The following NLGN1 variants were observed in gnomAD, a reference collection of about 807,000 sequenced individuals.
NLGN1 encodes the protein neuroligin-1.
In NLGN1, 12 loss-of-function variants were observed where a neutral mutation model predicts 65.5. The observed-to-expected ratio is 0.18, with a 90% CI of 0.12 to 0.30. The LOEUF is 0.30. Among genes scored for constraint, NLGN1 ranks in the 10% least tolerant of loss-of-function variants. The pLI is 1.00. For synonymous variants in NLGN1, 350 were observed against 359.5 expected (o/e 0.97, Z 0.30); for missense variants, 750 against 1,007.1 (o/e 0.74, Z 3.46).
intron 4 of NLGN1, among the ~76,000 whole-genome samples, chr3:173,950,808 CAA>C (rs769516741): frequency 1.7e-4 from 16 of 96,790 alleles, no homozygotes; most frequent in Non-Finnish European, 1.1e-4. Flanking sequence ...GACTTCGTCT[CAA>C]AAAAAAAAAA....
chr3:173,434,638 A>G (rs965067885), intron 1 of NLGN1, among the ~76,000 whole-genome samples: 1 of 152,200 alleles, frequency 6.6e-6, no homozygotes, highest in Non-Finnish European at 1.5e-5. Flanking sequence ...CTCTAGGATC[A>G]AGAGCTAAGT....
chr3:173,556,687 C>G (rs1253543115), intron 2 of NLGN1, among the ~76,000 whole-genome samples: 1 of 151,946 alleles, frequency 6.6e-6, no homozygotes, highest in Non-Finnish European at 1.5e-5. Flanking sequence ...TGCCTGTAGT[C>G]CTAGCTACTA....
chr3:173,637,116 T>C (rs1756717626), intron 3 of NLGN1, among the ~76,000 whole-genome samples: 1 of 152,148 alleles, frequency 6.6e-6, no homozygotes, highest in Non-Finnish European at 1.5e-5. Context: ...CTCGGTGATG[T>C]GGAACATTCT....
At chr3:173,877,986 A>G (rs1474436289) in intron 4 of NLGN1, among the ~76,000 whole-genome samples, 2 of 152,046 alleles carry the variant, frequency 1.3e-5, no homozygotes, top group Non-Finnish European at 1.5e-5. Context: ...TAACTGACTT[A>G]CCTCTAGGGA....
chr3:173,874,667 CT>C (rs1391571237), intron 4 of NLGN1, among the ~76,000 whole-genome samples: 2 of 152,100 alleles, frequency 1.3e-5, no homozygotes, highest in African/African-American at 4.8e-5. Flanking sequence ...AATTTTCCCC[CT>C]CATCCAAGTT....
intron 4 of NLGN1, among the ~76,000 whole-genome samples, chr3:174,209,193 G>A (rs1241857650): frequency 6.6e-6 from 1 of 151,984 alleles, no homozygotes; most frequent in Non-Finnish European, 1.5e-5. Flanking sequence ...CAAAGTGCTG[G>A]GATTACAAGT....
chr3:174,040,150 C>CT (rs1214621046), intron 4 of NLGN1, among the ~76,000 whole-genome samples: 10 of 151,598 alleles, frequency 6.6e-5, no homozygotes, highest in East Asian at 1.9e-4. Flanking sequence ...CCTCTGTTGT[C>CT]TTTTTTTTTC....
chr3:173,411,620 C>T (rs1027017317), intron 1 of NLGN1, among the ~76,000 whole-genome samples: 11 of 152,074 alleles, frequency 7.2e-5, no homozygotes, highest in Admixed American at 3.9e-4. Context: ...TTTCTTAAAG[C>T]TTTTGCAATT....
chr3:174,126,225 G>A (rs192071296), intron 4 of NLGN1, among the ~76,000 whole-genome samples: 6 of 152,138 alleles, frequency 3.9e-5, no homozygotes, highest in African/African-American at 1.4e-4. Flanking sequence ...TTAAAATCAA[G>A]GCCACAGAAC....
intron 3 of NLGN1, among the ~76,000 whole-genome samples, chr3:173,780,341 G>A (rs537541475): frequency 6.6e-6 from 1 of 152,324 alleles, no homozygotes; most frequent in Non-Finnish European, 1.5e-5. Flanking sequence ...TATACGCTCA[G>A]TGGGGTCATA....
At chr3:174,082,573 T>C (rs1742452680) in intron 4 of NLGN1, among the ~76,000 whole-genome samples, 1 of 151,790 alleles carries the variant, frequency 6.6e-6, no homozygotes, top group Admixed American at 6.6e-5. Context: ...TATACAATAG[T>C]ATATACTGTA....
intron 2 of NLGN1, among the ~76,000 whole-genome samples, chr3:173,575,383 A>G (rs1335791450): frequency 6.6e-6 from 1 of 152,148 alleles, no homozygotes; most frequent in Admixed American, 6.5e-5. Flanking sequence ...AATAATAGAT[A>G]TTAGTTCCAA....
chr3:173,956,683 T>G (rs1324893384), intron 4 of NLGN1, among the ~76,000 whole-genome samples: 1 of 152,164 alleles, frequency 6.6e-6, no homozygotes, highest in Non-Finnish European at 1.5e-5. Context: ...GTGGCTTTTA[T>G]GTATGGATAT....
At chr3:173,770,360 G>A (rs1779398651) in intron 3 of NLGN1, among the ~76,000 whole-genome samples, 2 of 152,136 alleles carry the variant, frequency 1.3e-5, no homozygotes, top group Admixed American at 1.3e-4. Context: ...CACAGATAAC[G>A]TTGGTTGATC....
intron 2 of NLGN1, among the ~76,000 whole-genome samples, chr3:173,444,964 T>TAA (rs34421468): frequency 1.3e-4 from 19 of 149,256 alleles, no homozygotes; most frequent in East Asian, 9.8e-4. Context: ...GGACTTGTAT[T>TAA]AAAAAAAAAA....
intron 4 of NLGN1, among the ~76,000 whole-genome samples, chr3:173,856,144 TC>T (rs1727908139): frequency 6.6e-6 from 1 of 152,136 alleles, no homozygotes; most frequent in Non-Finnish European, 1.5e-5. Context: ...TACAGCTTCT[TC>T]TTTAAGCATG....
chr3:173,888,053 C>T (rs1734685615), intron 4 of NLGN1, among the ~76,000 whole-genome samples: 1 of 151,952 alleles, frequency 6.6e-6, no homozygotes, highest in Non-Finnish European at 1.5e-5. Flanking sequence ...GACAGTGAAA[C>T]ATGGTGTATA....
intron 2 of NLGN1, among the ~76,000 whole-genome samples, chr3:173,544,762 T>C (rs1739485639): frequency 6.6e-6 from 1 of 152,184 alleles, no homozygotes; most frequent in East Asian, 1.9e-4. Context: ...GTTCATGTTA[T>C]AATCAAGAAA....
intron 4 of NLGN1, among the ~76,000 whole-genome samples, chr3:173,843,746 C>G (rs1725237607): frequency 6.6e-6 from 1 of 152,202 alleles, no homozygotes; most frequent in African/African-American, 2.4e-5. Context: ...CAACAAGTCT[C>G]TAGGAAGTTC....
Sources: gnomAD v4.1 joint callset for allele counts (sites outside exome capture counted in the v4.1 genomes callset) on GRCh38, gnomAD v4.1.1 for gene constraint, MANE v1.5 for transcripts, NCBI Gene and HGNC (gene_info 2026-07-23, HGNC 2026-07-21) for gene names.